The following SLC25A13 variants were observed in gnomAD, a reference collection of about 807,000 sequenced individuals.
SLC25A13 encodes solute carrier family 25 member 13, also known as electrogenic aspartate/glutamate antiporter SLC25A13, mitochondrial.
Under a neutral mutation model 85.5 loss-of-function variants are expected in SLC25A13, and 70 were observed. The observed-to-expected ratio is 0.82, with a 90% confidence interval of 0.68 to 1.00. The LOEUF is 1.00. SLC25A13 is among the 50% of genes least tolerant of loss of function. SLC25A13 has a pLI of 0.00. For missense variants in SLC25A13, 765 were observed against 819.8 expected (o/e 0.93, Z 0.82); for synonymous variants, 259 against 288.7 (o/e 0.90, Z 1.04).
chr7:96,282,800 G>A (rs1176351698), intron 2 of SLC25A13, among the ~76,000 whole-genome samples: 3 of 152,114 alleles, frequency 2.0e-5, no homozygotes, highest in Non-Finnish European at 2.9e-5. Flanking sequence ...CTGTATGTCT[G>A]AAAATTGTCA....
chr7:96,177,710 T>G (rs1245048764), intron 11 of SLC25A13, among the ~76,000 whole-genome samples: 1 of 152,194 alleles, frequency 6.6e-6, no homozygotes, highest in Non-Finnish European at 1.5e-5. Context: ...GTTGTTGATC[T>G]TCATCATCAC....
chr7:96,287,308 C>A (rs1798927610), intron 2 of SLC25A13, among the ~76,000 whole-genome samples: 1 of 152,210 alleles, frequency 6.6e-6, no homozygotes, highest in Admixed American at 6.5e-5. Flanking sequence ...CTGCTGACTG[C>A]TGTTTTCTTC....
At chr7:96,121,624 A>C (rs1307509499) in intron 17 of SLC25A13, 31 bp downstream of exon 17, 1 of 1,610,380 alleles carries the variant, frequency 6.2e-7, no homozygotes. Flanking sequence ...CAGCAGCCAA[A>C]ATTTAGCAGC....
intron 15 of SLC25A13, among the ~76,000 whole-genome samples, chr7:96,125,526 T>C (rs1791688540): frequency 6.6e-6 from 1 of 152,178 alleles, no homozygotes; most frequent in African/African-American, 2.4e-5. Context: ...TAATTACGAC[T>C]CAAGACATCC....
chr7:96,155,219 G>A (rs763394618), intron 13 of SLC25A13, among the ~76,000 whole-genome samples: 2 of 152,146 alleles, frequency 1.3e-5, no homozygotes, highest in Non-Finnish European at 2.9e-5. Context: ...CACTTGCGGA[G>A]GGAGGCCCAA....
At chr7:96,141,195 A>AT (rs1432623698) in intron 14 of SLC25A13, among the ~76,000 whole-genome samples, 1 of 151,504 alleles carries the variant, frequency 6.6e-6, no homozygotes. Flanking sequence ...GCTAACTTAT[A>AT]TTTATTTATT....
At chr7:96,262,123 T>C (rs1280367561) in intron 3 of SLC25A13, among the ~76,000 whole-genome samples, 1 of 152,198 alleles carries the variant, frequency 6.6e-6, no homozygotes, top group African/African-American at 2.4e-5. Flanking sequence ...TGTTTTAATT[T>C]AAGCAACTCC....
At chr7:96,230,063 C>A (rs1164255627) in intron 4 of SLC25A13, among the ~76,000 whole-genome samples, 1 of 152,164 alleles carries the variant, frequency 6.6e-6, no homozygotes, top group Admixed American at 6.5e-5. Context: ...ATATTGCTTG[C>A]AGCAGCCAAA....
intron 1 of SLC25A13, among the ~76,000 whole-genome samples, chr7:96,297,241 A>T (rs1056889327): frequency 6.6e-6 from 1 of 152,194 alleles, no homozygotes; most frequent in African/African-American, 2.4e-5. Context: ...CATTGCAAAC[A>T]CCTGTCATTT....
intron 1 of SLC25A13, among the ~76,000 whole-genome samples, chr7:96,308,382 T>A (rs1045481695): frequency 2.6e-5 from 4 of 152,178 alleles, no homozygotes; most frequent in Non-Finnish European, 5.9e-5. Context: ...GATCTTGGCT[T>A]TCTGAACTAA....
In SLC25A13 at chr7:96,193,199, G is replaced by C. The variant is rs1794929104; in HGVS notation, c.469-16C>G. 3 of 1,613,436 alleles carry C rather than the reference G, an allele frequency of 1.9e-6. No homozygotes were observed. The highest frequency in any genetic ancestry group is 2.2e-5 in the East Asian group (1 of 44,848). ...GTTGTATTTCCTACAAATAAAGAAA[G>C]TAAAATACTTAATTTATGCTTCTCA... On this transcript the variant is annotated splice_polypyrimidine_tract_variant and intron_variant, in intron 5 of 17. Coordinates refer to ENST00000265631, the MANE Select transcript of SLC25A13 (RefSeq NM_014251.3).
intron 5 of SLC25A13, among the ~76,000 whole-genome samples, chr7:96,196,013 T>C (rs994259278): frequency 2.6e-5 from 4 of 152,250 alleles, no homozygotes; most frequent in Non-Finnish European, 5.9e-5. Context: ...CTTACATTTA[T>C]ACATGCAGCT....
chr7:96,179,799 T>C (rs1039813879), intron 11 of SLC25A13, among the ~76,000 whole-genome samples: 2 of 152,242 alleles, frequency 1.3e-5, no homozygotes, highest in African/African-American at 2.4e-5. Context: ...TCAAGATGCA[T>C]GTGTTCTTAA....
Position 96,129,422 on chromosome 7 carries a change from T to C in SLC25A13, c.1591+2321A>G, listed in dbSNP as rs113710478. 7.4e-3 allele frequency among the ~76,000 whole-genome samples: 1,133 copies of C among 152,212 alleles called. 15 individuals carry two copies. The highest frequency in any genetic ancestry group is 0.026 in the African/African-American group (1,088 of 41,534). On this transcript the variant is annotated intron_variant, in intron 15 of 17. Coordinates refer to ENST00000265631, the MANE Select transcript of SLC25A13 (RefSeq NM_014251.3). ...TGGGTCAATGACCGAAAAACAACCA[T>C]GCTTTTTACCAACAAACTCACTTCA... is the stretch of plus-strand genomic sequence containing the variant.
intron 14 of SLC25A13, among the ~76,000 whole-genome samples, chr7:96,134,473 C>T (rs865917712): frequency 6.6e-6 from 1 of 151,998 alleles, no homozygotes; most frequent in African/African-American, 2.4e-5. Context: ...GCAGATTAAC[C>T]TGTCTTATGC....
At position 96,241,885 on chromosome 7, in the gene SLC25A13, T is replaced by C. The variant is rs78281032; in HGVS notation, c.213-6968A>G. 8.5e-5 allele frequency among the ~76,000 whole-genome samples: 13 copies of C among 152,290 alleles called. No individual in the cohort carries two copies. In the East Asian group the frequency reaches 1.7e-3, roughly 20 times the overall value. ...ACAACCTCCAGTTCTTCTCCTCCTC[T>C]CTGTCCTCGCTTATTCTCACTCAGC... On this transcript the variant is annotated intron_variant, in intron 3 of 17. Transcript: ENST00000265631.
intron 7 of SLC25A13, among the ~76,000 whole-genome samples, chr7:96,190,190 T>G (rs1226027948): frequency 6.6e-6 from 1 of 151,648 alleles, no homozygotes; most frequent in African/African-American, 2.4e-5. Flanking sequence ...GTTCAAGCGA[T>G]TCCCCTGCCT....
intron 12 of SLC25A13, 39 bp from the exon 13 acceptor site, chr7:96,170,164 A>C: frequency 6.4e-7 from 1 of 1,563,152 alleles, no homozygotes; most frequent in Non-Finnish European, 8.8e-7. Flanking sequence ...TGAAAAATAT[A>C]AAGAAAGTCA....
chr7:96,141,009 TTTTTTCTTTC>T (rs1340998452), intron 14 of SLC25A13, among the ~76,000 whole-genome samples: 1 of 146,442 alleles, frequency 6.8e-6, no homozygotes, highest in Non-Finnish European at 1.5e-5. Flanking sequence ...CATTCCTTTC[TTTTTTCTTTC>T]TTTTTTTTTT....
Sources: allele counts gnomAD v4.1 joint callset (sites outside exome capture counted in the v4.1 genomes callset), GRCh38; gene constraint gnomAD v4.1.1; transcripts MANE v1.5; gene names NCBI Gene and HGNC (gene_info 2026-07-23, HGNC 2026-07-21).